Variants in REC114 observed in about 807,000 individuals in gnomAD.
REC114 encodes meiotic recombination protein REC114.
In REC114, 27 loss-of-function variants were observed where a neutral mutation model predicts 31.3. The ratio of observed to expected loss-of-function variants is 0.86; its 90% confidence interval spans 0.64 to 1.19. The LOEUF (loss-of-function observed/expected upper bound fraction) is 1.19. Ranked by LOEUF, REC114 falls within the 50% of genes most tolerant of loss-of-function variation. The probability of loss-of-function intolerance (pLI) is 0.00; values close to 1 mark genes in which losing one functional copy is unlikely to be tolerated. For synonymous variants in REC114, 134 were observed against 127.7 expected, an observed-to-expected ratio of 1.05 and a Z score of -0.33; for missense variants, 344 against 326.9, an observed-to-expected ratio of 1.05 and a Z score of -0.40.
chr15:73,552,042 G>A (rs1444437959), intron 4 of REC114, among the ~76,000 whole-genome samples: 3 of 152,174 alleles, frequency 2.0e-5, no homozygotes, highest in Non-Finnish European at 2.9e-5. Flanking sequence ...CCAGATGACC[G>A]ATGCCTGAAT....
intron 2 of REC114, among the ~76,000 whole-genome samples, chr15:73,495,423 A>G (rs951433742): frequency 2.4e-4 from 37 of 151,808 alleles, no homozygotes; most frequent in African/African-American, 8.2e-4. Flanking sequence ...CTTACTAGTT[A>G]TCTCTGATAT....
chr15:73,557,766 T>C (rs1378398331), intron 5 of REC114, among the ~76,000 whole-genome samples: 2 of 152,208 alleles, frequency 1.3e-5, no homozygotes, highest in East Asian at 1.9e-4. Flanking sequence ...GGAAGAACCA[T>C]ATACAAATGA....
chr15:73,446,277 G>A (rs892847001), intron 1 of REC114, among the ~76,000 whole-genome samples: 11 of 151,396 alleles, frequency 7.3e-5, no homozygotes, highest in African/African-American at 2.5e-4. Flanking sequence ...TACGTCACAT[G>A]TGTGCACACA....
chr15:73,458,332 A>G (rs990394255), intron 1 of REC114, among the ~76,000 whole-genome samples: 1 of 152,222 alleles, frequency 6.6e-6, no homozygotes, highest in African/African-American at 2.4e-5. Flanking sequence ...AGGAAGTGGA[A>G]GAACGAATTC....
chr15:73,550,829 T>C, intron 3 of REC114, 109 bp from the exon 4 acceptor site: 2 of 962,398 alleles, frequency 2.1e-6, no homozygotes, highest in Admixed American at 2.3e-5. Context: ...ACTGTTCCCT[T>C]ATCTATACCT....
intron 1 of REC114, among the ~76,000 whole-genome samples, chr15:73,452,566 A>G (rs1892865622): frequency 6.6e-6 from 1 of 152,190 alleles, no homozygotes; most frequent in Non-Finnish European, 1.5e-5. Flanking sequence ...TGCCCCAAGT[A>G]ATTTACAGAT....
intron 1 of REC114, among the ~76,000 whole-genome samples, chr15:73,463,941 T>G (rs1040368434): frequency 2.6e-5 from 4 of 152,246 alleles, no homozygotes; most frequent in African/African-American, 9.6e-5. Flanking sequence ...GTCTAGTTAT[T>G]GATTTTTTAA....
intron 2 of REC114, among the ~76,000 whole-genome samples, chr15:73,538,592 G>A (rs1566947791): frequency 6.6e-6 from 1 of 151,516 alleles, no homozygotes; most frequent in African/African-American, 2.4e-5. Flanking sequence ...GAGTAGCTGG[G>A]ACTACAGGCA....
intron 2 of REC114, among the ~76,000 whole-genome samples, chr15:73,537,111 C>G (rs937320980): frequency 1.3e-5 from 2 of 152,124 alleles, no homozygotes; most frequent in African/African-American, 4.8e-5. Context: ...CATTAGCGAG[C>G]AAAACGAACT....
In REC114 at chr15:73,503,780, C is replaced by T. The variant is rs373072825; in HGVS notation, c.249+29859C>T. On this transcript the variant is annotated intron_variant, in intron 2 of 5. Transcript: ENST00000331090. ...TGTCCTGTGCCCATCTTCCTACTAG[C>T]TTGTTTGGCTTTTACTTATTGATTT... Among the ~76,000 whole-genome samples the T allele has an allele frequency of 2.8e-4, 43 of 152,130 alleles. No individual in the cohort carries two copies. In the South Asian group the frequency reaches 3.1e-3, roughly 11 times the overall value.
chr15:73,503,997 ATTTTTTTT>A lies in REC114; in HGVS notation c.249+30095_249+30102del, dbSNP rs71137349. On this transcript the variant is annotated intron_variant, in intron 2 of 5. Transcript: ENST00000331090. Reference sequence around the variant, plus strand: ...ATATCTTAGAAATTCTCCCATAGGAATTTTTTTTTTTTTTTTTTTTTTTTTTGAGATGG... The same window carrying A: ...ATATCTTAGAAATTCTCCCATAGGAATTTTTTTTTTTTTTTTTTGAGATGG... 1.2e-3 allele frequency among the ~76,000 whole-genome samples: 79 copies of A among 64,046 alleles called. 1 individual carries two copies. Among genetic ancestry groups the A allele is most frequent in the African/African-American group, 3.3e-3 (59 of 17,998 alleles). 42.0% of individuals were successfully genotyped at this position (64,046 alleles called of 152,430 possible).
chr15:73,537,476 T>C (rs554366448), intron 2 of REC114, among the ~76,000 whole-genome samples: 1 of 149,046 alleles, frequency 6.7e-6, no homozygotes, highest in African/African-American at 2.6e-5. Flanking sequence ...CATGCCATAT[T>C]GTAGTGGGTA....
chr15:73,513,297 A>C (rs984316223), intron 2 of REC114, among the ~76,000 whole-genome samples: 10 of 151,694 alleles, frequency 6.6e-5, no homozygotes, highest in Non-Finnish European at 1.3e-4. Context: ...CAGCTCCATC[A>C]GCTCCTTTAA....
At chr15:73,470,287 T>C (rs1425067010) in intron 1 of REC114, among the ~76,000 whole-genome samples, 1 of 152,216 alleles carries the variant, frequency 6.6e-6, no homozygotes, top group Non-Finnish European at 1.5e-5. Flanking sequence ...ATCAGTTATC[T>C]TTTAAAGATA....
chr15:73,458,311 AAGGGTAACAT>A (rs1892944896), intron 1 of REC114, among the ~76,000 whole-genome samples: 1 of 152,192 alleles, frequency 6.6e-6, no homozygotes, highest in Non-Finnish European at 1.5e-5. Context: ...TAGTTTGCCA[AAGGGTAACAT>A]AGGAAGTGGA....
intron 1 of REC114, 35 bp downstream of exon 1, chr15:73,443,379 C>T (rs559129719): frequency 6.2e-5 from 96 of 1,539,348 alleles, no homozygotes; most frequent in Admixed American, 4.8e-4. Context: ...CCTGAGGTGC[C>T]CACAGCCCTC....
At chr15:73,548,363 A>T (rs940402460) in intron 3 of REC114, among the ~76,000 whole-genome samples, 2 of 152,198 alleles carry the variant, frequency 1.3e-5, no homozygotes, top group African/African-American at 4.8e-5. Flanking sequence ...TGCCTTGGCC[A>T]CCCAAAGAGC....
chr15:73,473,099 A>G (rs1195906267), intron 1 of REC114, among the ~76,000 whole-genome samples: 1 of 152,152 alleles, frequency 6.6e-6, no homozygotes, highest in Non-Finnish European at 1.5e-5. Context: ...GGGGTTATGA[A>G]AAATGGAGGG....
At chr15:73,456,119 G>C (rs1892911825) in intron 1 of REC114, among the ~76,000 whole-genome samples, 1 of 152,152 alleles carries the variant, frequency 6.6e-6, no homozygotes, top group Non-Finnish European at 1.5e-5. Flanking sequence ...GCAAATGTTA[G>C]TTCCTTAGAT....
Sources: gnomAD v4.1 joint callset for allele counts (sites outside exome capture counted in the v4.1 genomes callset) on GRCh38, gnomAD v4.1.1 for gene constraint, MANE v1.5 for transcripts, NCBI Gene and HGNC (gene_info 2026-07-23, HGNC 2026-07-21) for gene names.